The following FBXL20 variants were observed in gnomAD, a reference collection of about 807,000 sequenced individuals.
The protein encoded by FBXL20 is F-box/LRR-repeat protein 20.
A neutral mutation model predicts 64.0 loss-of-function variants in FBXL20; 11 were observed. The observed-to-expected ratio is 0.17, with a 90% CI of 0.11 to 0.28. The LOEUF (loss-of-function observed/expected upper bound fraction) is 0.28, where lower values mean the gene tolerates loss of function less well. Ranked by LOEUF, FBXL20 falls within the 10% of genes least tolerant of loss-of-function variation. FBXL20 has a pLI of 1.00. For missense variants in FBXL20, 303 were observed against 526.2 expected, an observed-to-expected ratio of 0.58 and a Z score of 4.15; for synonymous variants, 184 against 189.0, an observed-to-expected ratio of 0.97 and a Z score of 0.22.
chr17:39,266,878 T>C (rs2046796595), intron 12 of FBXL20, among the ~76,000 whole-genome samples: 1 of 152,184 alleles, frequency 6.6e-6, no homozygotes, highest in African/African-American at 2.4e-5. Flanking sequence ...TGGTAGCTAG[T>C]TGTAGTGGCT....
intron 1 of FBXL20, among the ~76,000 whole-genome samples, chr17:39,382,201 T>C (rs1597832441): frequency 1.3e-5 from 2 of 150,588 alleles, no homozygotes; most frequent in African/African-American, 4.9e-5. Context: ...CCCAGCACTT[T>C]GGGAGGCCGA....
At chr17:39,325,306 A>G (rs542946533) in intron 2 of FBXL20, among the ~76,000 whole-genome samples, 4 of 152,350 alleles carry the variant, frequency 2.6e-5, no homozygotes, top group South Asian at 2.1e-4. Context: ...GTGGAGAGAC[A>G]TATCTTTTAA....
At chr17:39,383,651 G>T (rs78294154) in intron 1 of FBXL20, among the ~76,000 whole-genome samples, 1 of 148,498 alleles carries the variant, frequency 6.7e-6, no homozygotes, top group Non-Finnish European at 1.5e-5. Flanking sequence ...GTGCAGTGGC[G>T]CGATCTCGGC....
At chr17:39,391,498 C>A (rs1180501440) in intron 1 of FBXL20, among the ~76,000 whole-genome samples, 1 of 151,858 alleles carries the variant, frequency 6.6e-6, no homozygotes, top group Non-Finnish European at 1.5e-5. Context: ...CAAGGTCCCA[C>A]AGACACCAGT....
At chr17:39,276,385 T>C (rs894254887) in intron 9 of FBXL20, among the ~76,000 whole-genome samples, 2 of 150,250 alleles carry the variant, frequency 1.3e-5, no homozygotes, top group Admixed American at 6.6e-5. Flanking sequence ...AGGGAAGTTA[T>C]TGAGGCCGGG....
chr17:39,364,709 T>G (rs185047717), intron 1 of FBXL20, among the ~76,000 whole-genome samples: 18 of 152,230 alleles, frequency 1.2e-4, no homozygotes, highest in Non-Finnish European at 2.5e-4. Flanking sequence ...GACAGACTCC[T>G]GCAGCCATCT....
intron 8 of FBXL20, among the ~76,000 whole-genome samples, chr17:39,281,929 G>C (rs140822527): frequency 6.6e-6 from 1 of 152,212 alleles, no homozygotes; most frequent in Non-Finnish European, 1.5e-5. Flanking sequence ...GAGAACAGAT[G>C]GTAAGTAACT....
chr17:39,402,327 A>G, upstream of FBXL20: 1 of 754,194 alleles, frequency 1.3e-6, no homozygotes, highest in Non-Finnish European at 1.8e-6. Context: ...CCAGTGCATT[A>G]CATTACGGGG....
At chr17:39,266,377 G>A (rs889406988) in intron 12 of FBXL20, among the ~76,000 whole-genome samples, 2 of 152,074 alleles carry the variant, frequency 1.3e-5, no homozygotes, top group African/African-American at 4.8e-5. Context: ...GTGCTACCAC[G>A]TCCAGCTAAT....
In FBXL20 at chr17:39,401,461, G is replaced by A; in HGVS notation, c.-59C>T. On this transcript the variant is annotated 5_prime_UTR_variant, in exon 1 of 15. Coordinates refer to ENST00000264658, the MANE Select transcript of FBXL20 (RefSeq NM_032875.3). ...CGGCGAGCGGAGTGCACAGACCGGG[G>A]GCCCAGGACAGGCCCGGGAGTTCCG... The A allele has an allele frequency of 6.5e-7, 1 of 1,548,204 alleles. No homozygotes were observed. Among genetic ancestry groups the A allele is most frequent in the Non-Finnish European group, 8.7e-7 (1 of 1,147,966 alleles).
At chr17:39,380,094 T>A (rs2048007799) in intron 1 of FBXL20, among the ~76,000 whole-genome samples, 1 of 152,090 alleles carries the variant, frequency 6.6e-6, no homozygotes, top group African/African-American at 2.4e-5. Context: ...AATATTAACA[T>A]CTCCTTTCTC....
chr17:39,299,996 C>G (rs760474379), intron 4 of FBXL20, among the ~76,000 whole-genome samples: 4 of 151,776 alleles, frequency 2.6e-5, no homozygotes, highest in Non-Finnish European at 5.9e-5. Flanking sequence ...ACTTGGGAGG[C>G]TGAGGCACAA....
chr17:39,391,859 A>G (rs1480094703), intron 1 of FBXL20, among the ~76,000 whole-genome samples: 1 of 151,942 alleles, frequency 6.6e-6, no homozygotes, highest in African/African-American at 2.4e-5. Context: ...AAAAAAAAAA[A>G]AGGGCTGGGT....
At chr17:39,363,711 A>G (rs1248399188) in intron 1 of FBXL20, among the ~76,000 whole-genome samples, 1 of 150,148 alleles carries the variant, frequency 6.7e-6, no homozygotes, top group African/African-American at 2.5e-5. Context: ...CTTGGGAGGA[A>G]GAGGTGAGAG....
chr17:39,386,010 C>T (rs1001675766), intron 1 of FBXL20, among the ~76,000 whole-genome samples: 2 of 100,388 alleles, frequency 2.0e-5, no homozygotes, highest in African/African-American at 8.8e-5. Flanking sequence ...AGCCTGACAA[C>T]AGAGATTCCG....
chr17:39,356,858 C>CT (rs1395223363), intron 1 of FBXL20, among the ~76,000 whole-genome samples: 1 of 151,292 alleles, frequency 6.6e-6, no homozygotes, highest in Non-Finnish European at 1.5e-5. Context: ...GAGACAAGGT[C>CT]TCACTATGTT....
chr17:39,257,418 T>C lies in FBXL20; in HGVS notation c.*4042A>G, dbSNP rs2046705526. The C allele has an allele frequency of 6.6e-6, 1 of 152,268 alleles. No homozygotes were observed. 9.4% of individuals were successfully genotyped at this position (152,268 alleles called of 1,614,324 possible). A position where few individuals can be genotyped will look rare whatever the true frequency, so the allele number is the denominator to read the frequency against. ...GGATATGTGAAACTTCTGACTTACA[T>C]GTCTGCTAAATCAACTTAATGAATG... On this transcript the variant is annotated 3_prime_UTR_variant, in exon 15 of 15. Coordinates refer to ENST00000264658, the MANE Select transcript of FBXL20 (RefSeq NM_032875.3).
intron 1 of FBXL20, among the ~76,000 whole-genome samples, chr17:39,369,490 G>A (rs1007954590): frequency 2.0e-5 from 3 of 151,632 alleles, no homozygotes; most frequent in Admixed American, 6.6e-5. Context: ...TCCTGACCTC[G>A]TGATCTGCCA....
At chr17:39,400,432 G>A (rs963358819) in intron 1 of FBXL20, among the ~76,000 whole-genome samples, 1 of 152,130 alleles carries the variant, frequency 6.6e-6, no homozygotes, top group Non-Finnish European at 1.5e-5. Flanking sequence ...ATTGTCCACT[G>A]AGCTGTGAGT....
Sources: allele counts gnomAD v4.1 joint callset (sites outside exome capture counted in the v4.1 genomes callset), GRCh38; gene constraint gnomAD v4.1.1; transcripts MANE v1.5; gene names NCBI Gene and HGNC (gene_info 2026-07-23, HGNC 2026-07-21).